The following GMEB2 variants were observed in gnomAD, a reference collection of about 807,000 sequenced individuals.
The protein encoded by GMEB2 is glucocorticoid modulatory element binding protein 2, also known as glucocorticoid modulatory element-binding protein 2.
Under a neutral mutation model 45.7 loss-of-function variants are expected in GMEB2, and 7 were observed. The ratio of observed to expected loss-of-function variants is 0.15; its 90% confidence interval spans 0.09 to 0.29. The LOEUF (loss-of-function observed/expected upper bound fraction) is 0.29. GMEB2 is among the 10% of genes least tolerant of loss of function. The pLI, the probability that GMEB2 is intolerant of heterozygous loss-of-function variation, is 1.00. For missense variants in GMEB2, 582 were observed against 739.2 expected, an observed-to-expected ratio of 0.79 and a Z score of 2.47; for synonymous variants, 322 against 323.6, an observed-to-expected ratio of 1.00 and a Z score of 0.05.
At chr20:63,616,416 C>A (rs1214421725) in intron 2 of GMEB2, among the ~76,000 whole-genome samples, 2 of 152,190 alleles carry the variant, frequency 1.3e-5, no homozygotes, top group African/African-American at 4.8e-5. Flanking sequence ...TGCACTCCAG[C>A]CTAGGCAACA....
At chr20:63,624,010 T>C (rs1343816592) in intron 1 of GMEB2, among the ~76,000 whole-genome samples, 1 of 151,030 alleles carries the variant, frequency 6.6e-6, no homozygotes, top group East Asian at 1.9e-4. Context: ...CTCAGGAGGC[T>C]GAAGTGAGAG....
At position 63,595,653 on chromosome 20, in the gene GMEB2, G is replaced by T. The variant is rs1248069419; in HGVS notation, c.576C>A (p.Pro192=). ...TGAGGGGAATGTACTCGGCCGACGTGGGGCTGCTCAGGGACACACGGGCTC... is the reference window on the plus strand; with the variant it reads ...TGAGGGGAATGTACTCGGCCGACGTTGGGCTGCTCAGGGACACACGGGCTC... ...LSGARVSLSS[P]TSAEYIPLTP... Residue 192 remains proline, a synonymous_variant, in exon 6 of 10, where the codon CCC becomes CCA. Transcript: ENST00000370077. 2 of 1,613,602 alleles carry T rather than the reference G, an allele frequency of 1.2e-6. No homozygotes were observed.
chr20:63,613,084 C>T (rs1056760218), intron 2 of GMEB2, among the ~76,000 whole-genome samples: 25 of 152,096 alleles, frequency 1.6e-4, no homozygotes, highest in African/African-American at 5.6e-4. Context: ...GCCTCAGCCT[C>T]CTGAGTAACT....
At position 63,619,238 on chromosome 20, in the gene GMEB2, G is replaced by A. The variant is rs767588246; in HGVS notation, c.131+29C>T. The A allele has an allele frequency of 6.3e-7, 1 of 1,581,164 alleles. No individual in the cohort carries two copies. The highest frequency in any genetic ancestry group is 8.6e-7 in the Non-Finnish European group (1 of 1,165,038). On this transcript the variant is annotated intron_variant, in intron 2 of 9. Coordinates refer to ENST00000370077, the MANE Select transcript of GMEB2 (RefSeq NM_012384.5). This position sits in a 1 kb window ranked among gnomAD's most constrained non-coding sequence, Gnocchi z 4.6. Reference sequence around the variant, plus strand: ...GACAGCCCAACCCAAGCCCCCATCAGCCCCAATGGCACCGAGGCCCGAGCT... The same window carrying A: ...GACAGCCCAACCCAAGCCCCCATCAACCCCAATGGCACCGAGGCCCGAGCT...
Position 63,590,040 on chromosome 20 carries a change from T to G in GMEB2, c.*49A>C. The stretch of plus-strand genomic sequence containing the variant: ...TCTGCCCGCTCCCTGCTGCCGCGGC[T>G]GAGAGACAGCCAGCCCTGTCCGTCC... On this transcript the variant is annotated 3_prime_UTR_variant, in exon 10 of 10. Coordinates refer to ENST00000370077, the MANE Select transcript of GMEB2 (RefSeq NM_012384.5). The G allele has an allele frequency of 6.8e-7, 1 of 1,465,124 alleles. No homozygotes were observed. The highest frequency in any genetic ancestry group is 9.0e-7 in the Non-Finnish European group (1 of 1,108,488). The allele number at this position is 1,465,124 out of a possible 1,614,324, so 90.8% of individuals were successfully genotyped here. A position where few individuals can be genotyped will look rare whatever the true frequency, so the allele number is the denominator to read the frequency against.
In GMEB2 at chr20:63,609,981, A is replaced by G. The variant is rs368277519; in HGVS notation, c.132-5141T>C. Among the ~76,000 whole-genome samples, 19 of 151,918 alleles carry G rather than the reference A, an allele frequency of 1.3e-4. No individual in the cohort carries two copies. In the East Asian group the frequency reaches 3.5e-3, roughly 28 times the overall value. On this transcript the variant is annotated intron_variant, in intron 2 of 9. Transcript: ENST00000370077. ...TGACCCCACCTCCATTTCTAGAAACATGCCCCTCTGACTCCACCTCCATTT... is the reference window on the plus strand; with the variant it reads ...TGACCCCACCTCCATTTCTAGAAACGTGCCCCTCTGACTCCACCTCCATTT...
intron 3 of GMEB2, among the ~76,000 whole-genome samples, chr20:63,603,419 G>A (rs1244862641): frequency 3.3e-5 from 5 of 152,164 alleles, no homozygotes; most frequent in East Asian, 1.9e-4. Flanking sequence ...AAAGGTTCTA[G>A]GGCCTTTAAT....
At chr20:63,595,446 G>A (rs560369767) in intron 6 of GMEB2, among the ~76,000 whole-genome samples, 164 bp downstream of exon 6, 1 of 152,364 alleles carries the variant, frequency 6.6e-6, no homozygotes, top group Admixed American at 6.5e-5. Context: ...CCTCTGTGAG[G>A]CAGGAGGAGG....
chr20:63,603,001 C>T lies in GMEB2; in HGVS notation c.321G>A (p.Lys107=). 3 of 1,614,200 alleles carry T rather than the reference C, an allele frequency of 1.9e-6. No homozygotes were observed. In the South Asian group the frequency reaches 3.3e-5, roughly 18 times the overall value. Residue 107 remains lysine, a synonymous_variant, in exon 4 of 10, where the codon AAG becomes AAA. Coordinates refer to ENST00000370077, the MANE Select transcript of GMEB2 (RefSeq NM_012384.5). ...TCACATTGATGCCGGGACACACAAA[C>T]TTCCTCCAGATGAGGTTGGCTCTGC... ...GDSRANLIWR[K]FVCPGINVKC... is the part of the protein sequence containing the mutation.
intron 1 of GMEB2, among the ~76,000 whole-genome samples, chr20:63,623,755 G>A (rs932319683): frequency 3.3e-5 from 5 of 151,570 alleles, no homozygotes; most frequent in Non-Finnish European, 7.4e-5. Context: ...CCAAGATCAT[G>A]CCACTGCACT....
chr20:63,603,305 G>A (rs1010532147), intron 3 of GMEB2, among the ~76,000 whole-genome samples: 3 of 152,124 alleles, frequency 2.0e-5, no homozygotes. Flanking sequence ...TTTAAATATC[G>A]TTACATTAAC....
chr20:63,595,432 A>T (rs2083187736), intron 6 of GMEB2, among the ~76,000 whole-genome samples, 178 bp downstream of exon 6: 1 of 152,266 alleles, frequency 6.6e-6, no homozygotes, highest in Non-Finnish European at 1.5e-5. Flanking sequence ...ATTCTGCCAG[A>T]TCTCCTCTGT....
chr20:63,618,604 G>A (rs1054863879), intron 2 of GMEB2, among the ~76,000 whole-genome samples: 3 of 152,196 alleles, frequency 2.0e-5, no homozygotes, highest in Admixed American at 6.5e-5. Flanking sequence ...GCATGAAGAT[G>A]CCACACATGA....
chr20:63,595,788 G>A (rs987794595), intron 5 of GMEB2, 21 bp from the exon 6 acceptor site: 2 of 1,612,784 alleles, frequency 1.2e-6, no homozygotes, highest in Non-Finnish European at 1.7e-6. Flanking sequence ...CAGTGGCATG[G>A]AGCGTCCAGG....
rs375430605 is a variant in GMEB2 at position 63,592,971 on chromosome 20, G to C, written c.691+40C>G. ...AGGTGGGCAGAGACTCCACCACCCC[G>C]CCAGGGCTTGTGAGAAGCCCACAAG... On this transcript the variant is annotated intron_variant, in intron 7 of 9. Transcript: ENST00000370077. This position sits in a 1 kb window ranked among gnomAD's most constrained non-coding sequence, Gnocchi z 8.2. 8 of 1,420,248 alleles carry C rather than the reference G, an allele frequency of 5.6e-6. No individual in the cohort carries two copies. The highest frequency in any genetic ancestry group is 2.8e-5 in the African/African-American group (2 of 71,406). 88.0% of individuals were successfully genotyped at this position (1,420,248 alleles called of 1,614,324 possible).
rs763474364 is a variant in GMEB2, at chr20:63,590,604, G to A, written c.1078C>T (p.Arg360Trp). The A allele has an allele frequency of 5.7e-6, 9 of 1,591,114 alleles. No individual in the cohort carries two copies. Among genetic ancestry groups the A allele is most frequent in the East Asian group, 4.5e-5 (2 of 44,076 alleles). ...GGTCCTGATGTGGCACGTGCAAGCC[G>A]GGGCCGCTTCACAGGCGGTGGCAGG... Reference protein sequence around the residue: ...VSLPPPVKRPRLARATSGPAA... With the variant: ...VSLPPPVKRPWLARATSGPAA... Residue 360 changes from arginine to tryptophan, a missense_variant, in exon 10 of 10, where the codon CGG becomes TGG. Arg to Trp is a moderately radical substitution (Grantham distance 101, BLOSUM62 -3). Coordinates refer to ENST00000370077, the MANE Select transcript of GMEB2 (RefSeq NM_012384.5).
At position 63,604,743 on chromosome 20, in the gene GMEB2, C is replaced by T; in HGVS notation, c.229G>A (p.Val77Met). Residue 77 changes from valine (V) to methionine (M), a missense_variant and splice_region_variant, in exon 3 of 10, where the codon GTG (valine) becomes ATG (methionine). By Grantham distance (21) the Val-to-Met change is conservative. Transcript: ENST00000370077. Reference protein sequence around the residue: ...ASSQLKEAVLVKMAEEGENLE... With the variant: ...ASSQLKEAVLMKMAEEGENLE... Reference sequence around the variant, plus strand: ...CTTCCCACCTAGGACGGCTTCCTACCTAACACGGCTTCCTTGAGCTGGGAG... The same window carrying T: ...CTTCCCACCTAGGACGGCTTCCTACTTAACACGGCTTCCTTGAGCTGGGAG... The T allele has an allele frequency of 6.3e-7, 1 of 1,586,270 alleles. No individual in the cohort carries two copies. The highest frequency in any genetic ancestry group is 8.7e-7 in the Non-Finnish European group (1 of 1,154,524).
In GMEB2 at chr20:63,619,137, G is replaced by A. The variant is rs2089628084; in HGVS notation, c.131+130C>T. ...GCTCTCTACTTACACACACATTTGA[G>A]TCCAGTCTCAGAAGAACTGGAACTA... On this transcript the variant is annotated intron_variant, in intron 2 of 9. Transcript: ENST00000370077. The surrounding 1 kb of genome is among the most constrained non-coding windows in gnomAD (Gnocchi z 4.6). The A allele has an allele frequency of 2.3e-6, 2 of 876,300 alleles. No individual in the cohort carries two copies. Among genetic ancestry groups the A allele is most frequent in the Non-Finnish European group, 3.3e-6 (2 of 598,930 alleles). 54.3% of individuals were successfully genotyped at this position (876,300 alleles called of 1,614,324 possible).
In GMEB2 at chr20:63,589,768, G is replaced by A. The variant is rs2083127364; in HGVS notation, c.*321C>T. 3.9e-6 allele frequency: 1 copy of A among 254,024 alleles called. No individual in the cohort carries two copies. The highest frequency in any genetic ancestry group is 7.5e-6 in the Non-Finnish European group (1 of 134,142). The allele number at this position is 254,024 out of a possible 1,614,324, so 15.7% of individuals were successfully genotyped here. ...CTTCCTCTGTCTCTGCTGCACCCAG[G>A]CTCCCCCTAGCCCCCGCCCACCTGG... On this transcript the variant is annotated 3_prime_UTR_variant, in exon 10 of 10. Transcript: ENST00000370077.
Sources: allele counts gnomAD v4.1 joint callset (sites outside exome capture counted in the v4.1 genomes callset), GRCh38; gene constraint gnomAD v4.1.1; non-coding constraint Gnocchi (gnomAD v3.1); transcripts MANE v1.5; gene names NCBI Gene and HGNC (gene_info 2026-07-23, HGNC 2026-07-21).